STK11IP: variants seen among roughly 807,000 people sequenced by gnomAD.
STK11IP encodes serine/threonine kinase 11 interacting protein.
A neutral mutation model predicts 131.7 loss-of-function variants in STK11IP; 103 were observed. The ratio of observed to expected loss-of-function variants is 0.78; its 90% CI spans 0.67 to 0.92. The LOEUF (loss-of-function observed/expected upper bound fraction) is 0.92, where lower values mean the gene tolerates loss of function less well. STK11IP is among the 40% of genes least tolerant of loss of function. The pLI is 0.00. For missense variants in STK11IP, 1,315 were observed against 1,385.7 expected (o/e 0.95, Z 0.81); for synonymous variants, 557 against 575.6 (o/e 0.97, Z 0.46).
chr2:219,606,815 C>A lies in STK11IP; in HGVS notation c.1091C>A (p.Ser364Tyr). 6.2e-7 allele frequency: 1 copy of A among 1,613,694 alleles called. No homozygotes were observed. The highest frequency in any genetic ancestry group is 8.5e-7 in the Non-Finnish European group (1 of 1,179,780). Residue 364 changes from serine (S) to tyrosine (Y), a missense_variant, in exon 12 of 25, where the codon TCC becomes TAC. Transcript: ENST00000456909. ...GGCCCTGACCTGAGTGACAGCCTCT[C>A]CTCAGGGGGTGTTGTGACCCAGCCC... Reference protein sequence around the residue: ...SGGPDLSDSLSSGGVVTQPLL... With the variant: ...SGGPDLSDSLYSGGVVTQPLL...
Position 219,611,793 on chromosome 2 carries a change from C to T in STK11IP, c.2294C>T (p.Ala765Val). 1 of 1,612,998 alleles carries T rather than the reference C, an allele frequency of 6.2e-7. No individual in the cohort carries two copies. Among genetic ancestry groups the T allele is most frequent in the Non-Finnish European group, 8.5e-7 (1 of 1,179,830 alleles). ...AGGGCCAAGAACAGCCCACCTCAGG[C>T]ACCGAGCACCCGTGACCATGGTAGT... is the stretch of plus-strand genomic sequence containing the variant. ...LDRAKNSPPQ[A>V]PSTRDHGSWS... Residue 765 changes from alanine to valine, a missense_variant, in exon 18 of 25, where the codon GCA (alanine) becomes GTA (valine). Coordinates refer to ENST00000456909, the MANE Select transcript of STK11IP (RefSeq NM_052902.4).
rs1433477243 is a variant in STK11IP, at chr2:219,608,516, GT to G, written c.1604-65del. 2.9e-5 allele frequency: 45 copies of G among 1,538,468 alleles called. No homozygotes were observed. In the East Asian group the frequency reaches 1.0e-3, roughly 34 times the overall value. ...GTGGGGCCTGGCGGGTGGAGGGCCA[GT>G]TCGGGGGAGGGCAGAGTGTGGGTAC... is the stretch of plus-strand genomic sequence containing the variant. On this transcript the variant is annotated intron_variant, in intron 14 of 24. Transcript: ENST00000456909.
rs747367891 is a variant in STK11IP, at chr2:219,616,198, C to A, written c.*5C>A. 2 of 1,611,822 alleles carry A rather than the reference C, an allele frequency of 1.2e-6. No homozygotes were observed. The highest frequency in any genetic ancestry group is 4.5e-5 in the East Asian group (2 of 44,864). Reference sequence around the variant, plus strand: ...GCGCTGGCCCTTGACCGATGAGGGTCCCACGCTGACCTTGGCCCTGACCTC... The same window carrying A: ...GCGCTGGCCCTTGACCGATGAGGGTACCACGCTGACCTTGGCCCTGACCTC... On this transcript the variant is annotated 3_prime_UTR_variant, in exon 25 of 25. Coordinates refer to ENST00000456909, the MANE Select transcript of STK11IP (RefSeq NM_052902.4).
At position 219,601,221 on chromosome 2, in the gene STK11IP, C is replaced by T. The variant is rs377582836; in HGVS notation, c.62-14C>T. On this transcript the variant is annotated splice_polypyrimidine_tract_variant and intron_variant, in intron 2 of 24. Coordinates refer to ENST00000456909, the MANE Select transcript of STK11IP (RefSeq NM_052902.4). Reference sequence around the variant, plus strand: ...TCACTGTGTCTTCCCTCCTGTTTGCCCCTTTTTCTGCAGGGGATGTGGTCC... The same window carrying T: ...TCACTGTGTCTTCCCTCCTGTTTGCTCCTTTTTCTGCAGGGGATGTGGTCC... The T allele has an allele frequency of 2.4e-4, 385 of 1,603,442 alleles. No individual in the cohort carries two copies. Among genetic ancestry groups the T allele is most frequent in the Non-Finnish European group, 3.2e-4 (376 of 1,172,718 alleles).
rs755591817 is a variant in STK11IP at position 219,605,945 on chromosome 2, G to A, written c.746-11G>A. ...CCACATGCTCTTCCTTCCTTCTTGCGTCCACCCCAGGCCTAGAGCAGCTGA... is the reference window on the plus strand; with the variant it reads ...CCACATGCTCTTCCTTCCTTCTTGCATCCACCCCAGGCCTAGAGCAGCTGA... On this transcript the variant is annotated splice_polypyrimidine_tract_variant and intron_variant, in intron 8 of 24. Transcript: ENST00000456909. 1.4e-5 allele frequency: 23 copies of A among 1,590,776 alleles called. No individual in the cohort carries two copies. Among genetic ancestry groups the A allele is most frequent in the East Asian group, 4.6e-5 (2 of 43,916 alleles).
rs1697962451 is a variant in STK11IP at position 219,600,883 on chromosome 2, G to T, written c.62-352G>T. ...GGAGGCTGGTCTCAAGCTGGGCGGT[G>T]GAAGGGGGTGTCTCATAACAAGAGA... On this transcript the variant is annotated intron_variant, in intron 2 of 24. Coordinates refer to ENST00000456909, the MANE Select transcript of STK11IP (RefSeq NM_052902.4). Among the ~76,000 whole-genome samples the T allele has an allele frequency of 2.0e-5, 3 of 152,192 alleles. No individual in the cohort carries two copies. The South Asian group carries it at 6.2e-4, about 32-fold the overall frequency.
At chr2:219,611,515 C>A in intron 17 of STK11IP, 89 bp from the exon 18 acceptor site, 1 of 1,172,228 alleles carries the variant, frequency 8.5e-7, no homozygotes, top group Non-Finnish European at 1.3e-6. Flanking sequence ...CAGGGGAGAC[C>A]TGAGCATGGG....
At chr2:219,605,837 T>C in intron 8 of STK11IP, 103 bp downstream of exon 8, 1 of 1,502,868 alleles carries the variant, frequency 6.7e-7, no homozygotes, top group African/African-American at 1.4e-5. Context: ...AGAGGGCTTA[T>C]GGGGAGTGCA....
rs1385063875 is a variant in STK11IP, at chr2:219,602,516, C to G, written c.487C>G (p.Leu163Val). 1.2e-6 allele frequency: 2 copies of G among 1,614,044 alleles called. No individual in the cohort carries two copies. The highest frequency in any genetic ancestry group is 1.1e-5 in the South Asian group (1 of 91,090). Residue 163 changes from leucine to valine, a missense_variant, in exon 6 of 25, where the codon CTG (leucine) becomes GTG (valine). Coordinates refer to ENST00000456909, the MANE Select transcript of STK11IP (RefSeq NM_052902.4). ...CGACTTCTGCTCTGCCCTCCCTTGGCTGGCTCTGCTTTCTGCCAACTTCAG... is the reference window on the plus strand; with the variant it reads ...CGACTTCTGCTCTGCCCTCCCTTGGGTGGCTCTGCTTTCTGCCAACTTCAG... ...GGDFCSALPW[L>V]ALLSANFSYN...
At chr2:219,602,278 C>T (rs1698012234) in intron 5 of STK11IP, among the ~76,000 whole-genome samples, 190 bp from the exon 6 acceptor site, 1 of 152,216 alleles carries the variant, frequency 6.6e-6, no homozygotes, top group African/African-American at 2.4e-5. Flanking sequence ...TATTATATTA[C>T]ATATTCTAGT....
intron 19 of STK11IP, among the ~76,000 whole-genome samples, 161 bp downstream of exon 19, chr2:219,612,219 G>A (rs909848433): frequency 1.3e-5 from 2 of 152,160 alleles, no homozygotes; most frequent in African/African-American, 4.8e-5. Context: ...ACATTCCCTG[G>A]TATTTGAGTC....
intron 17 of STK11IP, 126 bp from the exon 18 acceptor site, chr2:219,611,478 T>G: frequency 3.8e-6 from 3 of 779,962 alleles, no homozygotes; most frequent in Non-Finnish European, 6.5e-6. Context: ...GGCGCGGTGG[T>G]TGTGTATGAA....
intron 19 of STK11IP, among the ~76,000 whole-genome samples, chr2:219,612,736 G>A (rs977281405): frequency 2.0e-5 from 3 of 151,984 alleles, no homozygotes; most frequent in African/African-American, 4.8e-5. Context: ...GAGGACTCTG[G>A]GGGGCCGGCA....
In STK11IP at chr2:219,611,684, C is replaced by T. The variant is rs557215022; in HGVS notation, c.2185C>T (p.Arg729Trp). ...AVSRGTPNRE[R>W]KQGEQSLAPS... is the part of the protein sequence containing the mutation. Reference sequence around the variant, plus strand: ...GTCTCGGGGAACCCCCAACAGGGAGCGGAAACAGGGAGAGCAGTCTCTGGC... The same window carrying T: ...GTCTCGGGGAACCCCCAACAGGGAGTGGAAACAGGGAGAGCAGTCTCTGGC... The change falls in exon 18 of 25, where the codon CGG becomes TGG. Residue 729 changes from arginine (R) to tryptophan (W), a missense_variant. Transcript: ENST00000456909. 2.1e-5 allele frequency: 34 copies of T among 1,613,114 alleles called. No individual in the cohort carries two copies. Among genetic ancestry groups the T allele is most frequent in the South Asian group, 1.5e-4 (14 of 91,076 alleles).
At chr2:219,599,012 A>C (rs1050801644) in intron 2 of STK11IP, among the ~76,000 whole-genome samples, 1 of 152,228 alleles carries the variant, frequency 6.6e-6, no homozygotes, top group Non-Finnish European at 1.5e-5. Flanking sequence ...TACTACAGTT[A>C]ATGTTAGCTG....
intron 2 of STK11IP, among the ~76,000 whole-genome samples, chr2:219,600,059 GTTTTTTT>G (rs57060581): frequency 3.3e-5 from 3 of 91,712 alleles, no homozygotes; most frequent in Admixed American, 1.2e-4. Context: ...TTTTGTTTTT[GTTTTTTT>G]TTTTTTTTTT....
chr2:219,609,159 C>G lies in STK11IP; in HGVS notation c.1872C>G (p.Asp624Glu). 2 of 1,610,688 alleles carry G rather than the reference C, an allele frequency of 1.2e-6. No homozygotes were observed. The highest frequency in any genetic ancestry group is 1.7e-6 in the Non-Finnish European group (2 of 1,178,628). Residue 624 changes from aspartate (D) to glutamate (E), a missense_variant, in exon 16 of 25, where the codon GAC becomes GAG. Transcript: ENST00000456909. ...LSLRFSYICP[D>E]RQLRRYLVLE... is the part of the protein sequence containing the mutation. ...TGCGCTTCTCCTACATCTGCCCTGA[C>G]CGGCAGTTGCGTCGCTATTTGGTGC...
intron 24 of STK11IP, 136 bp downstream of exon 24, chr2:219,615,477 T>G: frequency 8.2e-7 from 1 of 1,216,040 alleles, no homozygotes; most frequent in Non-Finnish European, 1.1e-6. Flanking sequence ...ATGAGAGAAC[T>G]AGGGTTGGAG....
At chr2:219,609,842 T>G (rs1698337938) in intron 17 of STK11IP, 1 of 330,446 alleles carries the variant, frequency 3.0e-6, no homozygotes, top group Non-Finnish European at 5.9e-6. Context: ...AGGCTTGTTG[T>G]GTTGGGGATT....
Sources: allele counts gnomAD v4.1 joint callset (sites outside exome capture counted in the v4.1 genomes callset), GRCh38; gene constraint gnomAD v4.1.1; transcripts MANE v1.5; gene names NCBI Gene and HGNC (gene_info 2026-07-23, HGNC 2026-07-21).